The following ERCC4 variants were observed in gnomAD, a reference collection of about 807,000 sequenced individuals.
ERCC4 encodes the protein ERCC excision repair 4, endonuclease catalytic subunit.
In ERCC4, 65 loss-of-function variants were observed where a neutral mutation model predicts 76.9. That is an observed-to-expected ratio of 0.84 (90% confidence interval 0.69 to 1.04). The LOEUF (loss-of-function observed/expected upper bound fraction) is 1.04, where lower values mean the gene tolerates loss of function less well. Ranked by LOEUF, ERCC4 falls within the 50% of genes least tolerant of loss-of-function variation. The pLI is 0.00. For synonymous variants in ERCC4, 463 were observed against 410.1 expected, an observed-to-expected ratio of 1.13 and a Z score of -1.56; for missense variants, 1,214 against 1,128.2, an observed-to-expected ratio of 1.08 and a Z score of -1.09.
Position 13,920,302 on chromosome 16 carries a change from A to G in ERCC4, c.137A>G (p.Tyr46Cys), listed in dbSNP as rs757860762. 1.4e-5 allele frequency: 22 copies of G among 1,603,352 alleles called. No homozygotes were observed. The highest frequency in any genetic ancestry group is 4.5e-5 in the East Asian group (2 of 44,852). Reference sequence around the variant, plus strand: ...GGGCTCGGCGCGGACCGGCTCCTCTACCACTTTCTCCAGCTGCACTGCCAC... The same window carrying G: ...GGGCTCGGCGCGGACCGGCTCCTCTGCCACTTTCTCCAGCTGCACTGCCAC... ...ARGLGADRLL[Y>C]HFLQLHCHPA... is the part of the protein sequence containing the mutation. The change falls in exon 1 of 11, where the codon TAC becomes TGC. Residue 46 changes from tyrosine to cysteine, a missense_variant. Physicochemically the swap from Tyr to Cys is radical, Grantham distance 194. Coordinates refer to ENST00000311895, the MANE Select transcript of ERCC4 (RefSeq NM_005236.3).
intron 1 of ERCC4, 130 bp downstream of exon 1, chr16:13,920,502 A>T: frequency 1.2e-6 from 1 of 863,910 alleles, no homozygotes. Context: ...ACGCGATGAC[A>T]CAGAGAAGGA....
At chr16:13,947,296 T>C (rs2141619322) in intron 10 of ERCC4, among the ~76,000 whole-genome samples, 1 of 152,314 alleles carries the variant, frequency 6.6e-6, no homozygotes, top group African/African-American at 2.4e-5. Context: ...GAATTGGGAA[T>C]ACATTGACCA....
At chr16:13,928,941 T>C (rs1198104601) in intron 4 of ERCC4, among the ~76,000 whole-genome samples, 1 of 152,206 alleles carries the variant, frequency 6.6e-6, no homozygotes, top group Non-Finnish European at 1.5e-5. Flanking sequence ...CTGGCAATAA[T>C]GCGTGGCGAT....
Position 13,930,831 on chromosome 16 carries a change from CA to C in ERCC4, c.915del (p.Asn308IlefsTer6), listed in dbSNP as rs772432152. On this transcript the variant is annotated frameshift_variant, in exon 5 of 11. Transcript: ENST00000311895. LOFTEE classifies it high-confidence loss of function. Reference sequence around the variant, plus strand: ...TATCTCTCTCAGTATGATTGTGTCACATTTCTTAATCTTCTGGAATCTCTGA... The same window carrying C: ...TATCTCTCTCAGTATGATTGTGTCACTTTCTTAATCTTCTGGAATCTCTGA... ...LQYLSQYDCV[T>X]FLNLLESLRA... 1 of 1,613,496 alleles carries C rather than the reference CA, an allele frequency of 6.2e-7. No homozygotes were observed. The highest frequency in any genetic ancestry group is 1.7e-5 in the Admixed American group (1 of 60,016).
At position 13,935,459 on chromosome 16, in the gene ERCC4, T is replaced by C; in HGVS notation, c.1527T>C (p.Asp509=). ...CTGAAGAACTGGAAGAGGAAGGAGA[T>C]GTCGAGGAAGGATATCGTCGAGAAA... The part of the protein sequence containing the change: ...GKPEELEEEG[D]VEEGYRREIS... Residue 509 remains aspartate, a synonymous_variant, in exon 8 of 11, where the codon GAT becomes GAC. Coordinates refer to ENST00000311895, the MANE Select transcript of ERCC4 (RefSeq NM_005236.3). 1 of 1,614,112 alleles carries C rather than the reference T, an allele frequency of 6.2e-7. No homozygotes were observed. Among genetic ancestry groups the C allele is most frequent in the Non-Finnish European group, 8.5e-7 (1 of 1,180,012 alleles).
chr16:13,940,710 T>C (rs1049762588), intron 9 of ERCC4, among the ~76,000 whole-genome samples: 1 of 152,196 alleles, frequency 6.6e-6, no homozygotes, highest in South Asian at 2.1e-4. Flanking sequence ...CAGCATAAAC[T>C]ATCTGATCCA....
At chr16:13,922,604 A>C in intron 2 of ERCC4, 1 of 628,368 alleles carries the variant, frequency 1.6e-6, no homozygotes, top group Non-Finnish European at 2.9e-6. Flanking sequence ...CATCAGGCAC[A>C]GTTCGTGCAG....
chr16:13,937,086 A>AT (rs71150154), intron 8 of ERCC4, among the ~76,000 whole-genome samples: 10,517 of 128,662 alleles, frequency 0.082, 560 homozygotes, highest in African/African-American at 0.11. Context: ...TGCTCAACTA[A>AT]TTTTTTTTTT....
rs1364010182 is a variant in ERCC4 at position 13,948,590 on chromosome 16, TA to T, written c.*246del. On this transcript the variant is annotated 3_prime_UTR_variant, in exon 11 of 11. Transcript: ENST00000311895. ...ATGCCGGGCTTAGCATGTTTCTTTTTAAATGAGGTTTGTCAGGATCAGGTAA... is the reference window on the plus strand; with the variant it reads ...ATGCCGGGCTTAGCATGTTTCTTTTTAATGAGGTTTGTCAGGATCAGGTAA... 5 of 519,078 alleles carry T rather than the reference TA, an allele frequency of 9.6e-6. No homozygotes were observed. In the Admixed American group the frequency reaches 1.3e-4, roughly 14 times the overall value. The allele number at this position is 519,078 out of a possible 1,614,324, so 32.2% of individuals were successfully genotyped here. A position where few individuals can be genotyped will look rare whatever the true frequency, so the allele number is the denominator to read the frequency against.
chr16:13,946,125 T>C (rs2032508344), intron 10 of ERCC4, among the ~76,000 whole-genome samples: 1 of 152,134 alleles, frequency 6.6e-6, no homozygotes, highest in South Asian at 2.1e-4. Context: ...TCATAGCCAG[T>C]AGCATAGCAT....
chr16:13,935,279 C>A lies in ERCC4; in HGVS notation c.1347C>A (p.Val449=), dbSNP rs1352012558. ...TFEKDSKAEE[V]WMKFRKEDSS... ...AGAAGGATAGCAAAGCTGAAGAAGTCTGGATGAAATTTAGGAAGGAAGACA... is the reference window on the plus strand; with the variant it reads ...AGAAGGATAGCAAAGCTGAAGAAGTATGGATGAAATTTAGGAAGGAAGACA... The change falls in exon 8 of 11, where the codon GTC becomes GTA. Residue 449 remains valine (V), a synonymous_variant. Coordinates refer to ENST00000311895, the MANE Select transcript of ERCC4 (RefSeq NM_005236.3). 1.3e-5 allele frequency: 21 copies of A among 1,613,842 alleles called. No individual in the cohort carries two copies. Among genetic ancestry groups the A allele is most frequent in the Non-Finnish European group, 1.8e-5 (21 of 1,180,014 alleles).
intron 8 of ERCC4, among the ~76,000 whole-genome samples, chr16:13,936,301 C>G (rs774407968): frequency 6.6e-6 from 1 of 152,154 alleles, no homozygotes; most frequent in Non-Finnish European, 1.5e-5. Flanking sequence ...TTCCAATTAT[C>G]TGAGGGGAAA....
chr16:13,929,782 G>A (rs1446756168), intron 4 of ERCC4, among the ~76,000 whole-genome samples: 5 of 152,112 alleles, frequency 3.3e-5, no homozygotes, highest in African/African-American at 7.2e-5. Context: ...TGGCTAACAC[G>A]GTGAAACCTC....
intron 1 of ERCC4, 124 bp from the exon 2 acceptor site, chr16:13,921,907 G>T: frequency 1.5e-6 from 1 of 664,806 alleles, no homozygotes; most frequent in Non-Finnish European, 2.6e-6. Context: ...AAGTAACTTA[G>T]TGTGTATATT....
intron 5 of ERCC4, 158 bp downstream of exon 5, chr16:13,931,048 T>C: frequency 1.5e-6 from 1 of 652,180 alleles, no homozygotes; most frequent in South Asian, 1.8e-5. Context: ...GTAGGTTTTA[T>C]TGATAGCTAA....
rs2032636856 is a variant in ERCC4, at chr16:13,952,006, G to T, written c.*3659G>T. On this transcript the variant is annotated 3_prime_UTR_variant, in exon 11 of 11. Transcript: ENST00000311895. Reference sequence around the variant, plus strand: ...TTGGTTTATAGCTATTTCTGGTTCAGTTCTGAACTTCAGCACTTAATCATC... The same window carrying T: ...TTGGTTTATAGCTATTTCTGGTTCATTTCTGAACTTCAGCACTTAATCATC... 1 of 203,714 alleles carries T rather than the reference G, an allele frequency of 4.9e-6. No homozygotes were observed. Among genetic ancestry groups the T allele is most frequent in the Non-Finnish European group, 1.0e-5 (1 of 99,572 alleles). The allele number at this position is 203,714 out of a possible 1,614,324, so 12.6% of individuals were successfully genotyped here.
Position 13,944,709 on chromosome 16 carries a change from G to C in ERCC4, c.1905-14G>C. 5.7e-6 allele frequency: 9 copies of C among 1,576,096 alleles called. No homozygotes were observed. Among genetic ancestry groups the C allele is most frequent in the Non-Finnish European group, 7.9e-6 (9 of 1,145,348 alleles). ...AATTTGTTTCAGAAGTGTTGACAAT[G>C]TTTTCTCCCACAGGGAAAAAGCAAG... On this transcript the variant is annotated splice_polypyrimidine_tract_variant and intron_variant, in intron 9 of 10. Coordinates refer to ENST00000311895, the MANE Select transcript of ERCC4 (RefSeq NM_005236.3).
At chr16:13,923,747 G>C (rs919976347) in intron 2 of ERCC4, among the ~76,000 whole-genome samples, 7 of 152,140 alleles carry the variant, frequency 4.6e-5, no homozygotes, top group African/African-American at 1.7e-4. Flanking sequence ...CAAACTCTTA[G>C]TAATTCATAC....
rs558169438 is a variant in ERCC4 at position 13,950,422 on chromosome 16, G to A, written c.*2075G>A. 1.1e-4 allele frequency: 21 copies of A among 187,214 alleles called. No individual in the cohort carries two copies. The highest frequency in any genetic ancestry group is 4.9e-4 in the African/African-American group (21 of 42,892). The allele number at this position is 187,214 out of a possible 1,614,324, so 11.6% of individuals were successfully genotyped here. A position where few individuals can be genotyped will look rare whatever the true frequency, so the allele number is the denominator to read the frequency against. On this transcript the variant is annotated 3_prime_UTR_variant, in exon 11 of 11. Transcript: ENST00000311895. ...ACCAGATTGGTTACAGTAGAACTCT[G>A]TAAGATGATGTGGAGAGTAAGGAAA...
Sources: allele counts gnomAD v4.1 joint callset (sites outside exome capture counted in the v4.1 genomes callset), GRCh38; gene constraint gnomAD v4.1.1; transcripts MANE v1.5; gene names NCBI Gene and HGNC (gene_info 2026-07-23, HGNC 2026-07-21).